ATL1: variants seen among roughly 807,000 people sequenced by gnomAD.
ATL1 encodes atlastin GTPase 1.
Under a neutral mutation model 75.5 loss-of-function variants are expected in ATL1, and 31 were observed. The observed-to-expected ratio is 0.41, with a 90% CI of 0.31 to 0.55. The LOEUF (loss-of-function observed/expected upper bound fraction) is 0.55, where lower values mean the gene tolerates loss of function less well. Ranked by LOEUF, ATL1 falls within the 20% of genes least tolerant of loss-of-function variation. ATL1 has a pLI of 0.27. For synonymous variants in ATL1, 226 were observed against 233.3 expected (o/e 0.97, Z 0.28); for missense variants, 405 against 662.6 (o/e 0.61, Z 4.27).
At chr14:50,625,468 C>T (rs1277466440) in intron 11 of ATL1, among the ~76,000 whole-genome samples, 1 of 152,186 alleles carries the variant, frequency 6.6e-6, no homozygotes, top group Non-Finnish European at 1.5e-5. Context: ...ATGAAATAGT[C>T]TTCTATTGGA....
intron 1 of ATL1, among the ~76,000 whole-genome samples, chr14:50,545,575 G>A (rs2038621116): frequency 6.6e-6 from 1 of 152,166 alleles, no homozygotes; most frequent in African/African-American, 2.4e-5. Flanking sequence ...AGATGTTAAA[G>A]TACAATAAGA....
chr14:50,574,935 G>GTATATATA (rs1446555904), intron 1 of ATL1, among the ~76,000 whole-genome samples: 48 of 34,586 alleles, frequency 1.4e-3, no homozygotes, highest in Non-Finnish European at 1.8e-3. Context: ...GTGTGTGTGT[G>GTATATATA]TGTATATATA....
chr14:50,600,964 C>T (rs1271833354), intron 6 of ATL1, among the ~76,000 whole-genome samples: 1 of 151,916 alleles, frequency 6.6e-6, no homozygotes, highest in Admixed American at 6.6e-5. Flanking sequence ...AAAAAATCCA[C>T]AAAGAACTAC....
At chr14:50,614,236 C>T (rs370498300) in intron 7 of ATL1, 137 bp from the exon 8 acceptor site, 27 of 968,650 alleles carry the variant, frequency 2.8e-5, no homozygotes, top group East Asian at 2.1e-4. Flanking sequence ...AGACTTTCTT[C>T]TTTCTTTAGT....
chr14:50,572,713 G>A (rs1243949952), intron 1 of ATL1, among the ~76,000 whole-genome samples: 2 of 151,830 alleles, frequency 1.3e-5, no homozygotes, highest in Non-Finnish European at 2.9e-5. Context: ...TCTGATCTAT[G>A]CATTTAAGGC....
chr14:50,620,305 G>A (rs1350392523), intron 8 of ATL1, among the ~76,000 whole-genome samples: 1 of 152,126 alleles, frequency 6.6e-6, no homozygotes, highest in Non-Finnish European at 1.5e-5. Context: ...CTGGTTATAT[G>A]AATGGGCTAC....
chr14:50,625,502 G>C (rs2039509489), intron 11 of ATL1, among the ~76,000 whole-genome samples: 1 of 152,184 alleles, frequency 6.6e-6, no homozygotes, highest in Non-Finnish European at 1.5e-5. Context: ...GACTTTCCCA[G>C]CTAGAGAGGA....
chr14:50,544,301 C>T (rs533475593), intron 1 of ATL1, among the ~76,000 whole-genome samples: 62 of 152,356 alleles, frequency 4.1e-4, no homozygotes, highest in Non-Finnish European at 7.5e-4. Flanking sequence ...TAACTACCCT[C>T]TTTTCTCTGT....
intron 1 of ATL1, among the ~76,000 whole-genome samples, chr14:50,562,918 A>G (rs2038865275): frequency 6.6e-6 from 1 of 152,204 alleles, no homozygotes; most frequent in Non-Finnish European, 1.5e-5. Flanking sequence ...CTAACACAGT[A>G]GGCATTTAGT....
chr14:50,632,188 G>A, intron 13 of ATL1, 41 bp from the exon 14 acceptor site: 2 of 1,461,034 alleles, frequency 1.4e-6, no homozygotes, highest in Non-Finnish European at 1.9e-6. Context: ...ACATCTGTGT[G>A]TTTAATAAAA....
At chr14:50,540,130 A>G (rs758805443) in intron 1 of ATL1, among the ~76,000 whole-genome samples, 3 of 152,228 alleles carry the variant, frequency 2.0e-5, no homozygotes, top group Non-Finnish European at 4.4e-5. Flanking sequence ...ATCCTGGTAG[A>G]GGTCAGGTGG....
intron 5 of ATL1, 70 bp from the exon 6 acceptor site, chr14:50,595,506 C>A: frequency 7.0e-7 from 1 of 1,427,740 alleles, no homozygotes; most frequent in Non-Finnish European, 9.8e-7. Flanking sequence ...TAAAACTTTG[C>A]AGGTGCTAAA....
intron 1 of ATL1, among the ~76,000 whole-genome samples, chr14:50,571,137 A>G (rs1429576087): frequency 6.6e-6 from 1 of 152,142 alleles, no homozygotes; most frequent in Non-Finnish European, 1.5e-5. Context: ...GCTTCCAACA[A>G]TGAGAGGTGG....
intron 12 of ATL1, 193 bp downstream of exon 12, chr14:50,628,655 T>A: frequency 1.4e-6 from 1 of 719,606 alleles, no homozygotes. Flanking sequence ...TACACAACTA[T>A]TTTCCAGTTA....
At chr14:50,597,383 A>AT (rs2039230625) in intron 6 of ATL1, among the ~76,000 whole-genome samples, 1 of 152,114 alleles carries the variant, frequency 6.6e-6, no homozygotes, top group Non-Finnish European at 1.5e-5. Context: ...GTAGGATAGC[A>AT]TTTTTTATAA....
At chr14:50,548,729 C>T (rs1000292067) in intron 1 of ATL1, among the ~76,000 whole-genome samples, 4 of 152,078 alleles carry the variant, frequency 2.6e-5, no homozygotes, top group Non-Finnish European at 4.4e-5. Context: ...CCAGGATGGT[C>T]TCGATCTCCT....
chr14:50,624,325 G>A (rs2039496358), intron 11 of ATL1, among the ~76,000 whole-genome samples: 1 of 151,960 alleles, frequency 6.6e-6, no homozygotes, highest in African/African-American at 2.4e-5. Context: ...TCATGCCTGT[G>A]TCACATTTTG....
intron 1 of ATL1, among the ~76,000 whole-genome samples, chr14:50,584,177 C>G (rs1314581813): frequency 1.3e-5 from 2 of 151,656 alleles, no homozygotes; most frequent in African/African-American, 4.8e-5. Context: ...GAATTTGAGA[C>G]CAGCCTGAGC....
intron 5 of ATL1, among the ~76,000 whole-genome samples, chr14:50,594,297 T>G (rs1023021367): frequency 6.6e-6 from 1 of 152,130 alleles, no homozygotes; most frequent in African/African-American, 2.4e-5. Flanking sequence ...GGAAACAGCC[T>G]CCATGATTCA....
Sources: gnomAD v4.1 joint callset for allele counts (sites outside exome capture counted in the v4.1 genomes callset) on GRCh38, gnomAD v4.1.1 for gene constraint, MANE v1.5 for transcripts, NCBI Gene and HGNC (gene_info 2026-07-23, HGNC 2026-07-21) for gene names.